CCDC92B: variants seen among roughly 807,000 people sequenced by gnomAD.
The protein encoded by CCDC92B is coiled-coil domain containing 92B, also known as coiled-coil domain-containing 92B.
CCDC92B carries 2 observed loss-of-function variants against 5.6 expected under a neutral mutation model. The ratio of observed to expected loss-of-function variants is 0.36; its 90% CI spans 0.15 to 1.12. The LOEUF (loss-of-function observed/expected upper bound fraction) is 1.12, where lower values mean the gene tolerates loss of function less well. Ranked by LOEUF, CCDC92B falls within the 50% of genes most tolerant of loss-of-function variation. The pLI, the probability that CCDC92B is intolerant of heterozygous loss-of-function variation, is 0.40. For synonymous variants in CCDC92B, 115 were observed against 122.3 expected (o/e 0.94, Z 0.39); for missense variants, 271 against 262.2 (o/e 1.03, Z -0.23).
At chr17:2,731,144 C>T (rs535348218) in intron 2 of CCDC92B, among the ~76,000 whole-genome samples, 9 of 152,148 alleles carry the variant, frequency 5.9e-5, no homozygotes, top group East Asian at 1.9e-4. Flanking sequence ...TGATGGGGGC[C>T]GGGCTTGGCA....
intron 1 of CCDC92B, among the ~76,000 whole-genome samples, chr17:2,740,642 G>A (rs2070915200): frequency 6.6e-6 from 1 of 151,820 alleles, no homozygotes; most frequent in Non-Finnish European, 1.5e-5. Flanking sequence ...AAGCCTGGGC[G>A]ACTGAGTGAG....
intron 2 of CCDC92B, among the ~76,000 whole-genome samples, chr17:2,731,023 C>T (rs1035449034): frequency 1.3e-5 from 2 of 152,330 alleles, no homozygotes; most frequent in African/African-American, 2.4e-5. Context: ...CAGCCAGTAC[C>T]GCTGAGCCTG....
intron 2 of CCDC92B, among the ~76,000 whole-genome samples, chr17:2,733,743 G>GTTTTTTTTTTTTTTTTTTTTTTTTTTT: frequency 1.2e-5 from 1 of 81,562 alleles, no homozygotes. Flanking sequence ...AGGACCACTG[G>GTTTTTTTTTTTTTTTTTTTTTTTTTTT]CTTTTTTTTT....
At chr17:2,731,778 C>G (rs545084341) in intron 2 of CCDC92B, among the ~76,000 whole-genome samples, 1 of 152,360 alleles carries the variant, frequency 6.6e-6, no homozygotes, top group East Asian at 1.9e-4. Flanking sequence ...CAACTGGCCC[C>G]TCCTTCAAGG....
intron 1 of CCDC92B, among the ~76,000 whole-genome samples, chr17:2,742,983 C>G (rs911572607): frequency 6.6e-6 from 1 of 152,190 alleles, no homozygotes; most frequent in African/African-American, 2.4e-5. Flanking sequence ...AAAACATATC[C>G]CAAAGCCAGT....
intron 3 of CCDC92B, among the ~76,000 whole-genome samples, chr17:2,727,391 G>A (rs774771034): frequency 2.0e-5 from 3 of 152,178 alleles, no homozygotes; most frequent in East Asian, 3.9e-4. Flanking sequence ...CACGTGCAGC[G>A]TGAGTTGAGG....
chr17:2,737,547 T>A (rs1264785735), intron 1 of CCDC92B, among the ~76,000 whole-genome samples: 1 of 134,806 alleles, frequency 7.4e-6, no homozygotes, highest in Non-Finnish European at 1.5e-5. Flanking sequence ...CGATCTCGGC[T>A]CACTGCAAGC....
chr17:2,730,601 C>T (rs957646601), intron 2 of CCDC92B, 108 bp from the exon 3 acceptor site: 1 of 515,624 alleles, frequency 1.9e-6, no homozygotes, highest in Non-Finnish European at 2.5e-6. Context: ...GGAATTACAG[C>T]TCAGTAAAGT....
chr17:2,730,784 C>T (rs2151739243), intron 2 of CCDC92B, among the ~76,000 whole-genome samples: 1 of 152,200 alleles, frequency 6.6e-6, no homozygotes, highest in East Asian at 1.9e-4. Flanking sequence ...GTTCACCCCT[C>T]GTGGGACTGA....
At chr17:2,734,876 T>C in intron 2 of CCDC92B, 140 bp downstream of exon 2, 1 of 567,296 alleles carries the variant, frequency 1.8e-6, no homozygotes, top group Non-Finnish European at 2.2e-6. Flanking sequence ...AGTCCCAGTT[T>C]CCTTAATCAG....
chr17:2,737,922 C>A lies in CCDC92B; in HGVS notation c.-23-2754G>T, dbSNP rs996824337. On this transcript the variant is annotated intron_variant, in intron 1 of 3. Transcript: ENST00000614400. The stretch of plus-strand genomic sequence containing the variant: ...ACCACTCTTCAGCGGGTATTACCAC[C>A]CCACCCCACTTCACAAAAAAGGGCT... Among the ~76,000 whole-genome samples the A allele has an allele frequency of 2.0e-5, 3 of 151,948 alleles. No individual in the cohort carries two copies. The South Asian group carries it at 6.2e-4, about 31-fold the overall frequency.
chr17:2,744,308 G>A (rs2070960998), intron 1 of CCDC92B, among the ~76,000 whole-genome samples: 1 of 152,100 alleles, frequency 6.6e-6, no homozygotes, highest in Admixed American at 6.6e-5. Flanking sequence ...GGGATTACAG[G>A]CGTGAGCCAC....
At position 2,749,491 on chromosome 17, in the gene CCDC92B, C is replaced by T; in HGVS notation, c.-104G>A. 6.6e-6 allele frequency: 1 copy of T among 151,132 alleles called. No homozygotes were observed. Among genetic ancestry groups the T allele is most frequent in the South Asian group, 2.1e-4 (1 of 4,808 alleles). 9.4% of individuals were successfully genotyped at this position (151,132 alleles called of 1,614,324 possible). Reference sequence around the variant, plus strand: ...TGGGGGCGGCGCTCTTCCCCCCACGCTAGCTGCGCCCGGGGATCTGCAGCG... The same window carrying T: ...TGGGGGCGGCGCTCTTCCCCCCACGTTAGCTGCGCCCGGGGATCTGCAGCG... On this transcript the variant is annotated 5_prime_UTR_variant, in exon 1 of 4. The change abolishes the stop of an existing upstream ORF in the 5' untranslated region. Coordinates refer to ENST00000614400, the MANE Select transcript of CCDC92B (RefSeq NM_001355573.2).
chr17:2,726,339 G>A (rs985843828), intron 3 of CCDC92B, among the ~76,000 whole-genome samples: 20 of 124,100 alleles, frequency 1.6e-4, no homozygotes, highest in Non-Finnish European at 3.0e-4. Flanking sequence ...CACCATGCCT[G>A]GCTTATTTTT....
intron 1 of CCDC92B, among the ~76,000 whole-genome samples, chr17:2,738,267 G>C (rs370706691): frequency 9.8e-4 from 149 of 151,996 alleles, no homozygotes; most frequent in South Asian, 4.8e-3. Context: ...CCACCTCCTG[G>C]CCTCAAGCAA....
At chr17:2,743,972 G>C (rs1401958840) in intron 1 of CCDC92B, among the ~76,000 whole-genome samples, 1 of 151,986 alleles carries the variant, frequency 6.6e-6, no homozygotes, top group African/African-American at 2.4e-5. Flanking sequence ...CCACCTCCCG[G>C]GTTCGAGCAA....
intron 1 of CCDC92B, among the ~76,000 whole-genome samples, chr17:2,736,038 G>A (rs2070853801): frequency 6.6e-6 from 1 of 152,132 alleles, no homozygotes; most frequent in Non-Finnish European, 1.5e-5. Flanking sequence ...CACAGTCCAG[G>A]GCTCCAGGCT....
At chr17:2,748,772 G>C (rs1049316146) in intron 1 of CCDC92B, among the ~76,000 whole-genome samples, 1 of 152,212 alleles carries the variant, frequency 6.6e-6, no homozygotes, top group Admixed American at 6.6e-5. Context: ...CTGGAGTTTG[G>C]AACAAGGATT....
intron 2 of CCDC92B, among the ~76,000 whole-genome samples, chr17:2,732,621 G>A (rs141317138): frequency 0.019 from 2,878 of 152,218 alleles, 88 homozygotes; most frequent in African/African-American, 0.065. Flanking sequence ...GGAGGCTGAG[G>A]CAGGAGAATT....
Sources: gnomAD v4.1 joint callset for allele counts (sites outside exome capture counted in the v4.1 genomes callset) on GRCh38, gnomAD v4.1.1 for gene constraint, MANE v1.5 for transcripts, NCBI Gene and HGNC (gene_info 2026-07-23, HGNC 2026-07-21) for gene names.